YARS1: variants seen among roughly 807,000 people sequenced by gnomAD.
The protein encoded by YARS1 is tyrosyl-tRNA synthetase 1, also known as tyrosine--tRNA ligase, cytoplasmic.
Under a neutral mutation model 62.2 loss-of-function variants are expected in YARS1, and 36 were observed. That is an observed-to-expected ratio of 0.58 (90% CI 0.44 to 0.76). YARS1 has a LOEUF of 0.76. Ranked by LOEUF, YARS1 falls within the 30% of genes least tolerant of loss-of-function variation. The pLI, the probability that YARS1 is intolerant of heterozygous loss-of-function variation, is 0.00. For synonymous variants in YARS1, 234 were observed against 244.9 expected, an observed-to-expected ratio of 0.96 and a Z score of 0.42; for missense variants, 524 against 639.8, an observed-to-expected ratio of 0.82 and a Z score of 1.95.
intron 5 of YARS1, 24 bp downstream of exon 5, chr1:32,797,739 A>T (rs377594111): frequency 8.1e-6 from 13 of 1,609,306 alleles, no homozygotes; most frequent in Admixed American, 1.7e-5. Context: ...GCAAGTGAAA[A>T]AAGACAGGAA....
chr1:32,791,382 T>C (rs1653407483), intron 5 of YARS1, 128 bp from the exon 6 acceptor site: 5 of 785,508 alleles, frequency 6.4e-6, no homozygotes, highest in Admixed American at 4.0e-5. Flanking sequence ...ATACTAAATA[T>C]GTAGCTTTGA....
chr1:32,803,068 C>T (rs1479387114), intron 4 of YARS1, among the ~76,000 whole-genome samples: 1 of 150,208 alleles, frequency 6.7e-6, no homozygotes, highest in Non-Finnish European at 1.5e-5. Flanking sequence ...CTGCAATCTC[C>T]ACCTCCCGGG....
At chr1:32,808,618 C>CTG (rs1430591297) in intron 3 of YARS1, among the ~76,000 whole-genome samples, 2 of 152,192 alleles carry the variant, frequency 1.3e-5, no homozygotes, top group Non-Finnish European at 2.9e-5. Context: ...AAAACCATGC[C>CTG]TGTGTTCTTC....
intron 12 of YARS1, among the ~76,000 whole-genome samples, chr1:32,778,760 C>T (rs1260731771): frequency 3.2e-5 from 4 of 125,228 alleles, no homozygotes; most frequent in African/African-American, 6.1e-5. Flanking sequence ...TTTTTTGAGA[C>T]GGAGTTTCAC....
Position 32,780,255 on chromosome 1 carries a change from A to G in YARS1, c.1164T>C (p.Tyr388=). ...CTTCCCCCACGTCAATCTTCTCTAC[A>G]TACAGGCTGTCTGCATCTGGGTGCT... ...VEKHPDADSL[Y]VEKIDVGEAE... Residue 388 remains tyrosine (Y), a synonymous_variant, in exon 11 of 13, where the codon TAT becomes TAC. Coordinates refer to ENST00000373477, the MANE Select transcript of YARS1 (RefSeq NM_003680.4). 1.9e-6 allele frequency: 3 copies of G among 1,614,094 alleles called. No homozygotes were observed. Among genetic ancestry groups the G allele is most frequent in the Non-Finnish European group, 2.5e-6 (3 of 1,180,024 alleles).
chr1:32,800,044 G>A (rs1638238096), intron 4 of YARS1, among the ~76,000 whole-genome samples: 2 of 152,050 alleles, frequency 1.3e-5, no homozygotes, highest in Non-Finnish European at 2.9e-5. Context: ...GCAGTGGCAT[G>A]ATCTCGGCTC....
Position 32,781,029 on chromosome 1 carries a change from T to C in YARS1, c.1140+19A>G. ...CTGACCCCAATCTGCCTCTCTGAGA[T>C]GTGGTGAAAAATGAGTACCTTCTCC... On this transcript the variant is annotated intron_variant, in intron 10 of 12. Transcript: ENST00000373477. The C allele has an allele frequency of 1.2e-6, 2 of 1,611,570 alleles. No individual in the cohort carries two copies. The highest frequency in any genetic ancestry group is 1.7e-6 in the Non-Finnish European group (2 of 1,177,634).
In YARS1 at chr1:32,791,063, T is replaced by C. The variant is rs1179641666; in HGVS notation, c.684+99A>G. 4.4e-6 allele frequency: 5 copies of C among 1,125,136 alleles called. No homozygotes were observed. The Admixed American group carries it at 5.1e-5, about 11-fold the overall frequency. 69.7% of individuals were successfully genotyped at this position (1,125,136 alleles called of 1,614,324 possible). A position where few individuals can be genotyped will look rare whatever the true frequency, so the allele number is the denominator to read the frequency against. On this transcript the variant is annotated intron_variant, in intron 6 of 12. Coordinates refer to ENST00000373477, the MANE Select transcript of YARS1 (RefSeq NM_003680.4). The stretch of plus-strand genomic sequence containing the variant: ...TGTAAGGCTCCTTCTAACTCAAATA[T>C]TGGAGAATTCTAGTTAGCCAGGTCA...
chr1:32,776,000 T>A lies in YARS1; in HGVS notation c.1568A>T (p.Lys523Ile), dbSNP rs1221215452. Reference protein sequence around the residue: ...KLGSISCKSLKGGNIS With the variant: ...KLGSISCKSLIGGNIS ...GGCTGGCTAGCTAATGTTCCCCCCTTTCAGCGATTTACAGGAAATGGAGCC... is the reference window on the plus strand; with the variant it reads ...GGCTGGCTAGCTAATGTTCCCCCCTATCAGCGATTTACAGGAAATGGAGCC... Residue 523 changes from lysine to isoleucine, a missense_variant, in exon 13 of 13, where the codon AAA (lysine) becomes ATA (isoleucine). Coordinates refer to ENST00000373477, the MANE Select transcript of YARS1 (RefSeq NM_003680.4). 1 of 1,614,124 alleles carries A rather than the reference T, an allele frequency of 6.2e-7. No homozygotes were observed. Among genetic ancestry groups the A allele is most frequent in the Admixed American group, 1.7e-5 (1 of 60,016 alleles).
chr1:32,813,094 C>A (rs902211701), intron 1 of YARS1, among the ~76,000 whole-genome samples: 3 of 152,068 alleles, frequency 2.0e-5, no homozygotes, highest in Admixed American at 6.6e-5. Flanking sequence ...TTTGAATCCA[C>A]CTAGAACCTA....
chr1:32,808,459 C>T (rs1221499017), intron 3 of YARS1, among the ~76,000 whole-genome samples: 1 of 152,036 alleles, frequency 6.6e-6, no homozygotes, highest in Non-Finnish European at 1.5e-5. Flanking sequence ...CCTCAGCCTC[C>T]CAAAGTGCTG....
At chr1:32,777,032 ATT>A (rs34834736) in intron 12 of YARS1, among the ~76,000 whole-genome samples, 6 of 143,664 alleles carry the variant, frequency 4.2e-5, no homozygotes, top group Admixed American at 6.9e-5. Context: ...CAACCCCTCA[ATT>A]TTTTTTTTTT....
Position 32,779,306 on chromosome 1 carries a change from G to A in YARS1, c.1476+76C>T. 11 of 1,611,398 alleles carry A rather than the reference G, an allele frequency of 6.8e-6. No homozygotes were observed. The South Asian group carries it at 1.2e-4, about 18-fold the overall frequency. ...AGTCCCAACAGAGAGGGGCAGCTAT[G>A]GCTTCAGTAACAGGACAGTCTGGGG... On this transcript the variant is annotated intron_variant, in intron 12 of 12. Transcript: ENST00000373477.
chr1:32,783,737 T>G (rs538773097), intron 8 of YARS1: 4 of 152,264 alleles, frequency 2.6e-5, no homozygotes, highest in East Asian at 1.9e-4. Context: ...TACTTCTTCA[T>G]TTCCTTGGGA....
intron 10 of YARS1, 136 bp from the exon 11 acceptor site, chr1:32,780,414 T>C: frequency 1.0e-6 from 1 of 982,568 alleles, no homozygotes; most frequent in Non-Finnish European, 1.6e-6. Flanking sequence ...TAACTTTCTT[T>C]CCACGTCCCA....
chr1:32,778,734 TTC>T (rs1652954788), intron 12 of YARS1, among the ~76,000 whole-genome samples: 1 of 147,862 alleles, frequency 6.8e-6, no homozygotes, highest in Admixed American at 6.7e-5. Flanking sequence ...TTCTTTTCTT[TTC>T]TTTTTTTTTT....
chr1:32,796,858 G>T (rs1337144195), intron 5 of YARS1, among the ~76,000 whole-genome samples: 1 of 146,238 alleles, frequency 6.8e-6, no homozygotes, highest in Non-Finnish European at 1.5e-5. Context: ...CCAGCTACTC[G>T]GCAGGCTGAG....
chr1:32,817,106 T>G, intron 1 of YARS1, 82 bp downstream of exon 1: 1 of 1,569,964 alleles, frequency 6.4e-7, no homozygotes, highest in Non-Finnish European at 8.8e-7. Flanking sequence ...CCCACATACT[T>G]AGAACCCCGT....
intron 1 of YARS1, among the ~76,000 whole-genome samples, chr1:32,812,883 G>A (rs1030523854): frequency 2.7e-5 from 4 of 149,558 alleles, no homozygotes; most frequent in African/African-American, 9.9e-5. Flanking sequence ...CAGGAGAATC[G>A]CTTGAACCTG....
Sources: allele counts gnomAD v4.1 joint callset (sites outside exome capture counted in the v4.1 genomes callset), GRCh38; gene constraint gnomAD v4.1.1; transcripts MANE v1.5; gene names NCBI Gene and HGNC (gene_info 2026-07-23, HGNC 2026-07-21).